Variants in DENND1A observed in about 807,000 individuals in gnomAD.
The protein encoded by DENND1A is DENN domain-containing protein 1A.
A neutral mutation model predicts 113.7 loss-of-function variants in DENND1A; 51 were observed. The ratio of observed to expected loss-of-function variants is 0.45; its 90% CI spans 0.36 to 0.57. The LOEUF (loss-of-function observed/expected upper bound fraction) is 0.57, where lower values mean the gene tolerates loss of function less well. DENND1A is among the 20% of genes least tolerant of loss of function. The pLI is 0.00. For synonymous variants in DENND1A, 565 were observed against 570.8 expected (o/e 0.99, Z 0.14); for missense variants, 1,258 against 1,395.9 (o/e 0.90, Z 1.57).
intron 5 of DENND1A, among the ~76,000 whole-genome samples, chr9:123,708,689 T>C (rs76429941): frequency 0.026 from 3,888 of 152,270 alleles, 54 homozygotes; most frequent in Middle Eastern, 0.034. Flanking sequence ...TCTAGTTTCT[T>C]ATAGCACCTT....
intron 12 of DENND1A, among the ~76,000 whole-genome samples, chr9:123,562,056 C>T (rs1452900806): frequency 2.0e-5 from 3 of 152,136 alleles, no homozygotes; most frequent in Non-Finnish European, 2.9e-5. Flanking sequence ...ATGCCATTCA[C>T]CCATATCTGT....
chr9:123,901,382 C>T (rs1300517657), intron 1 of DENND1A, among the ~76,000 whole-genome samples: 2 of 152,052 alleles, frequency 1.3e-5, no homozygotes, highest in African/African-American at 2.4e-5. Flanking sequence ...TCTCTCCTGC[C>T]CTCTACCCTC....
chr9:123,438,977 G>C (rs2046727461), intron 19 of DENND1A, among the ~76,000 whole-genome samples: 1 of 152,194 alleles, frequency 6.6e-6, no homozygotes. Flanking sequence ...CCAGTGAGGG[G>C]CTCCTTTCAT....
intron 13 of DENND1A, among the ~76,000 whole-genome samples, chr9:123,530,693 T>G (rs964699258): frequency 6.6e-6 from 1 of 152,192 alleles, no homozygotes; most frequent in Non-Finnish European, 1.5e-5. Context: ...TAAAGCACAG[T>G]AGTCCCCTCT....
chr9:123,680,731 A>T (rs1367624786), intron 5 of DENND1A, among the ~76,000 whole-genome samples: 1 of 152,218 alleles, frequency 6.6e-6, no homozygotes, highest in African/African-American at 2.4e-5. Flanking sequence ...ATATAAAGGG[A>T]TTCCACTTCT....
At chr9:123,922,984 T>C (rs1204952254) in intron 1 of DENND1A, among the ~76,000 whole-genome samples, 1 of 152,214 alleles carries the variant, frequency 6.6e-6, no homozygotes, top group Admixed American at 6.5e-5. Context: ...AACTTCATTT[T>C]GTTTATTTTT....
At chr9:123,646,135 T>G (rs1320414238) in intron 9 of DENND1A, among the ~76,000 whole-genome samples, 3 of 152,198 alleles carry the variant, frequency 2.0e-5, no homozygotes. Context: ...TTTATTAATT[T>G]ATTATAAACG....
intron 21 of DENND1A, among the ~76,000 whole-genome samples, chr9:123,393,606 C>T (rs1027242843): frequency 6.6e-5 from 10 of 151,874 alleles, no homozygotes; most frequent in Non-Finnish European, 8.8e-5. Flanking sequence ...CAGTGGCACA[C>T]GCCCCATAGA....
rs551699409 is a variant in DENND1A at position 123,458,989 on chromosome 9, AC to A, written c.994-1093del. 3.2e-4 allele frequency among the ~76,000 whole-genome samples: 49 copies of A among 152,202 alleles called. No individual in the cohort carries two copies. In the East Asian group the frequency reaches 6.8e-3, roughly 21 times the overall value. ...AACAAACAAACAAACAAACAAAAAA[AC>A]AAAACAAAAAAACAAAAACCCAAAA... is the stretch of plus-strand genomic sequence containing the variant. On this transcript the variant is annotated intron_variant, in intron 13 of 23. Coordinates refer to ENST00000394215, the MANE Select transcript of DENND1A (RefSeq NM_001352964.2).
At chr9:123,797,466 C>A (rs772334964) in intron 2 of DENND1A, among the ~76,000 whole-genome samples, 2 of 152,128 alleles carry the variant, frequency 1.3e-5, no homozygotes, top group African/African-American at 4.8e-5. Context: ...CCAAAATACA[C>A]CCAGAAATAA....
chr9:123,414,709 CT>C, intron 19 of DENND1A: 1 of 1,313,520 alleles, frequency 7.6e-7, no homozygotes, highest in Non-Finnish European at 1.1e-6. Context: ...CATAGACTTG[CT>C]TTCCCTATAC....
Position 123,383,683 on chromosome 9 carries a change from C to T in DENND1A, c.1991G>A (p.Arg664Lys), listed in dbSNP as rs1464746891. The T allele has an allele frequency of 3.1e-6, 5 of 1,613,968 alleles. No individual in the cohort carries two copies. In the Admixed American group the frequency reaches 6.7e-5, roughly 22 times the overall value. Reference sequence around the variant, plus strand: ...ATAGTCAAAGGTCCCTGGCTGCTCCCTCAGGTCTTTGGGGGCACGAAGGTC... The same window carrying T: ...ATAGTCAAAGGTCCCTGGCTGCTCCTTCAGGTCTTTGGGGGCACGAAGGTC... ...LEDLRAPKDLREQPGTFDYQR... is the reference protein window; with the variant it reads ...LEDLRAPKDLKEQPGTFDYQR... The change falls in exon 23 of 24, where the codon AGG (arginine) becomes AAG (lysine). Residue 664 changes from arginine (R) to lysine (K), a missense_variant. Transcript: ENST00000394215.
chr9:123,901,334 G>A (rs1180588422), intron 1 of DENND1A, among the ~76,000 whole-genome samples: 3 of 152,148 alleles, frequency 2.0e-5, no homozygotes, highest in African/African-American at 7.2e-5. Flanking sequence ...TTTGCATTTA[G>A]GATGTGAGAT....
chr9:123,910,988 C>T (rs545973725), intron 1 of DENND1A, among the ~76,000 whole-genome samples: 99 of 152,222 alleles, frequency 6.5e-4, no homozygotes, highest in African/African-American at 2.3e-3. Flanking sequence ...AAAAGGCAAG[C>T]TGCAGACTGA....
chr9:123,783,338 G>A (rs1831604579), intron 3 of DENND1A, among the ~76,000 whole-genome samples: 1 of 152,194 alleles, frequency 6.6e-6, no homozygotes, highest in Non-Finnish European at 1.5e-5. Flanking sequence ...CTGAAACAGT[G>A]TGGGTTTAGA....
chr9:123,561,581 T>G (rs1383082479), intron 12 of DENND1A, among the ~76,000 whole-genome samples: 1 of 152,186 alleles, frequency 6.6e-6, no homozygotes, highest in Non-Finnish European at 1.5e-5. Context: ...GTCATATATC[T>G]AAAGCTGAAC....
intron 10 of DENND1A, among the ~76,000 whole-genome samples, chr9:123,621,184 C>CTT (rs71490814): frequency 9.6e-5 from 13 of 134,874 alleles, no homozygotes; most frequent in East Asian, 2.1e-4. Context: ...AGTTGAAATT[C>CTT]TTTTTTTTTT....
intron 12 of DENND1A, among the ~76,000 whole-genome samples, chr9:123,558,244 T>A (rs1232516316): frequency 6.6e-6 from 1 of 152,198 alleles, no homozygotes; most frequent in Non-Finnish European, 1.5e-5. Flanking sequence ...ACTCAAGACA[T>A]GGGCCACATT....
chr9:123,410,831 A>G (rs1245032632), intron 20 of DENND1A, among the ~76,000 whole-genome samples: 1 of 152,192 alleles, frequency 6.6e-6, no homozygotes, highest in African/African-American at 2.4e-5. Context: ...ACTGAATGGT[A>G]GATGGAGAAA....
Sources: gnomAD v4.1 joint callset for allele counts (sites outside exome capture counted in the v4.1 genomes callset) on GRCh38, gnomAD v4.1.1 for gene constraint, MANE v1.5 for transcripts, NCBI Gene and HGNC (gene_info 2026-07-23, HGNC 2026-07-21) for gene names.